The following HDLBP variants were observed in gnomAD, a reference collection of about 807,000 sequenced individuals.
HDLBP encodes vigilin.
Under a neutral mutation model 137.3 loss-of-function variants are expected in HDLBP, and 30 were observed. The observed-to-expected ratio is 0.22, with a 90% confidence interval of 0.16 to 0.30. The LOEUF (loss-of-function observed/expected upper bound fraction) is 0.30, where lower values mean the gene tolerates loss of function less well. Ranked by LOEUF, HDLBP falls within the 10% of genes least tolerant of loss-of-function variation. The pLI, the probability that HDLBP is intolerant of heterozygous loss-of-function variation, is 1.00. For synonymous variants in HDLBP, 606 were observed against 596.0 expected (o/e 1.02, Z -0.24); for missense variants, 1,119 against 1,667.3 (o/e 0.67, Z 5.73).
At chr2:241,299,505 C>CAAAAAAA (rs11423330) in intron 1 of HDLBP, among the ~76,000 whole-genome samples, 12 of 49,580 alleles carry the variant, frequency 2.4e-4, no homozygotes, top group African/African-American at 6.9e-4. Flanking sequence ...GGCTCCGTCT[C>CAAAAAAA]AAAAAAAAAA....
In HDLBP at chr2:241,239,118, A is replaced by G. The variant is rs549861750; in HGVS notation, c.2611-331T>C. On this transcript the variant is annotated intron_variant, in intron 19 of 27. Transcript: ENST00000310931. The surrounding 1 kb of genome is among the most constrained non-coding windows in gnomAD (Gnocchi z 4.6). ...CTTGATTATTAGGGAAAGGGAATCC[A>G]AGGCCCTGGCAGGGGAGTGGCCTGG... Among the ~76,000 whole-genome samples the G allele has an allele frequency of 7.9e-5, 12 of 152,286 alleles. No homozygotes were observed. The highest frequency in any genetic ancestry group is 2.9e-4 in the African/African-American group (12 of 41,554).
At chr2:241,256,518 A>G (rs2072628444) in intron 6 of HDLBP, 82 bp downstream of exon 6, 2 of 1,534,664 alleles carry the variant, frequency 1.3e-6, no homozygotes, top group African/African-American at 1.4e-5. Context: ...CTTGAAGTCC[A>G]CACTGGACAC....
intron 5 of HDLBP, among the ~76,000 whole-genome samples, chr2:241,260,977 G>A (rs1368210002): frequency 6.6e-6 from 1 of 152,080 alleles, no homozygotes; most frequent in African/African-American, 2.4e-5. Flanking sequence ...GATCATTTGA[G>A]CCTAGGGGTT....
At chr2:241,268,652 A>G (rs536915069) in intron 1 of HDLBP, 111 bp from the exon 2 acceptor site, 1 of 273,298 alleles carries the variant, frequency 3.7e-6, no homozygotes, top group South Asian at 1.4e-4. Flanking sequence ...AGGTCAAGAT[A>G]TTTATGCTTT....
intron 16 of HDLBP, among the ~76,000 whole-genome samples, chr2:241,243,968 G>T (rs1045871218): frequency 1.3e-5 from 2 of 151,876 alleles, no homozygotes; most frequent in African/African-American, 4.8e-5. Context: ...AGCCAGCCAA[G>T]GACAGAAAAA....
At chr2:241,262,957 TAAGAGATTAA>T in intron 4 of HDLBP, 31 bp from the exon 5 acceptor site, 2 of 1,563,892 alleles carry the variant, frequency 1.3e-6, no homozygotes, top group Non-Finnish European at 1.8e-6. Flanking sequence ...AAGGAAAGGT[TAAGAGATTAA>T]AAGAAGGCCA....
At chr2:241,271,430 G>A (rs2074029291) in intron 1 of HDLBP, among the ~76,000 whole-genome samples, 1 of 152,110 alleles carries the variant, frequency 6.6e-6, no homozygotes, top group South Asian at 2.1e-4. Context: ...AGCAAAACGT[G>A]GAGTCCTGAC....
intron 1 of HDLBP, among the ~76,000 whole-genome samples, chr2:241,273,898 G>A (rs1337311328): frequency 1.3e-5 from 2 of 151,926 alleles, no homozygotes; most frequent in African/African-American, 4.8e-5. Context: ...GCAGGGGAGG[G>A]GAGGGCAGGG....
intron 1 of HDLBP, among the ~76,000 whole-genome samples, chr2:241,269,983 C>T (rs920995754): frequency 2.0e-5 from 3 of 152,188 alleles, no homozygotes; most frequent in African/African-American, 7.2e-5. Flanking sequence ...GACACCCACC[C>T]CCTTATCAAG....
Position 241,229,626 on chromosome 2 carries a change from G to T in HDLBP, c.3782C>A (p.Thr1261Asn). 1 of 1,613,972 alleles carries T rather than the reference G, an allele frequency of 6.2e-7. No individual in the cohort carries two copies. Among genetic ancestry groups the T allele is most frequent in the Non-Finnish European group, 8.5e-7 (1 of 1,179,872 alleles). Residue 1261 changes from threonine (T) to asparagine (N), a missense_variant, in exon 28 of 28, where the codon ACC becomes AAC. Physicochemically the swap from Thr to Asn is moderately conservative, Grantham distance 65. Coordinates refer to ENST00000310931, the MANE Select transcript of HDLBP (RefSeq NM_005336.6). The stretch of plus-strand genomic sequence containing the variant: ...TTATCGTTTGGGGCCCCAAGGGAGG[G>T]TCTTGGGAGCCACCTGAGCCCCAAA... ...PSFGAQVAPK[T>N]LPWGPKR
intron 3 of HDLBP, among the ~76,000 whole-genome samples, chr2:241,265,754 C>A (rs1355828809): frequency 6.6e-6 from 1 of 152,194 alleles, no homozygotes; most frequent in African/African-American, 2.4e-5. Flanking sequence ...CATCGCTTCC[C>A]AGCTGCATGC....
At chr2:241,274,720 C>G (rs2149595614) in intron 1 of HDLBP, among the ~76,000 whole-genome samples, 1 of 152,318 alleles carries the variant, frequency 6.6e-6, no homozygotes, top group South Asian at 2.1e-4. Context: ...TGCTTCTGTG[C>G]TGATGCTCAC....
intron 1 of HDLBP, among the ~76,000 whole-genome samples, chr2:241,274,221 G>A (rs1380490014): frequency 6.6e-6 from 1 of 152,134 alleles, no homozygotes; most frequent in African/African-American, 2.4e-5. Flanking sequence ...AAAAGCCTAG[G>A]AGCCAGCAGA....
chr2:241,267,698 A>AT, intron 2 of HDLBP: 15 of 1,535,318 alleles, frequency 9.8e-6, no homozygotes, highest in Non-Finnish European at 1.1e-5. Context: ...CCAGGTGGTT[A>AT]TAAGTGGTAG....
intron 24 of HDLBP, among the ~76,000 whole-genome samples, chr2:241,231,755 T>C (rs2069788083): frequency 6.6e-6 from 1 of 152,022 alleles, no homozygotes; most frequent in Admixed American, 6.6e-5. Flanking sequence ...AGACTTGGGA[T>C]AGCAGACAAG....
intron 4 of HDLBP, among the ~76,000 whole-genome samples, chr2:241,264,108 A>C (rs1438670358): frequency 1.4e-5 from 2 of 138,972 alleles, no homozygotes; most frequent in Non-Finnish European, 3.4e-5. Context: ...TCATGCCTAT[A>C]ATCCCAGCAC....
At position 241,249,522 on chromosome 2, in the gene HDLBP, G is replaced by A. The variant is rs1399504642; in HGVS notation, c.1512+319C>T. 5.7e-6 allele frequency: 3 copies of A among 527,928 alleles called. No homozygotes were observed. In the Admixed American group the frequency reaches 7.0e-5, roughly 12 times the overall value. 32.7% of individuals were successfully genotyped at this position (527,928 alleles called of 1,614,324 possible). A position where few individuals can be genotyped will look rare whatever the true frequency, so the allele number is the denominator to read the frequency against. On this transcript the variant is annotated intron_variant, in intron 12 of 27. Coordinates refer to ENST00000310931, the MANE Select transcript of HDLBP (RefSeq NM_005336.6). Reference sequence around the variant, plus strand: ...TGAGAACCACCTGGGATGCCTTTGAGAATCCAGAAATGTCTGTCACAATCT... The same window carrying A: ...TGAGAACCACCTGGGATGCCTTTGAAAATCCAGAAATGTCTGTCACAATCT...
intron 1 of HDLBP, among the ~76,000 whole-genome samples, chr2:241,290,752 C>T (rs1281937231): frequency 6.6e-6 from 1 of 151,974 alleles, no homozygotes; most frequent in African/African-American, 2.4e-5. Context: ...TTTATTATAC[C>T]TCAATAAAAA....
At chr2:241,267,745 G>A in intron 2 of HDLBP, 1 of 1,531,300 alleles carries the variant, frequency 6.5e-7, no homozygotes, top group Non-Finnish European at 8.7e-7. Context: ...GTGCTTTGTA[G>A]CAACAGTAAC....
Sources: allele counts gnomAD v4.1 joint callset (sites outside exome capture counted in the v4.1 genomes callset), GRCh38; gene constraint gnomAD v4.1.1; non-coding constraint Gnocchi (gnomAD v3.1); transcripts MANE v1.5; gene names NCBI Gene and HGNC (gene_info 2026-07-23, HGNC 2026-07-21).